The following GGACT variants were observed in gnomAD, a reference collection of about 807,000 sequenced individuals.
GGACT encodes the protein gamma-glutamylamine cyclotransferase, also known as gamma-glutamylaminecyclotransferase.
For missense variants in GGACT, 241 were observed against 233.2 expected, an observed-to-expected ratio of 1.03 and a Z score of -0.22; for synonymous variants, 118 against 115.3, an observed-to-expected ratio of 1.02 and a Z score of -0.15.
At chr13:100,553,816 C>T (rs777873469) in intron 2 of GGACT, among the ~76,000 whole-genome samples, 8 of 118,924 alleles carry the variant, frequency 6.7e-5, no homozygotes, top group Non-Finnish European at 1.1e-4. Flanking sequence ...TGCACTCCAG[C>T]GGGGGTGACG....
chr13:100,564,435 T>C (rs1483449195), intron 2 of GGACT, among the ~76,000 whole-genome samples: 1 of 152,160 alleles, frequency 6.6e-6, no homozygotes, highest in Non-Finnish European at 1.5e-5. Context: ...TTTCCAAGTA[T>C]TAAAGATTGA....
intron 2 of GGACT, chr13:100,540,169 G>T (rs1448104028): frequency 8.3e-6 from 13 of 1,570,700 alleles, no homozygotes; most frequent in Middle Eastern, 1.7e-4. Context: ...CACGCATCGG[G>T]CACAGTTAGT....
chr13:100,567,493 C>T (rs1216071215), intron 2 of GGACT, among the ~76,000 whole-genome samples: 1 of 152,184 alleles, frequency 6.6e-6, no homozygotes, highest in East Asian at 1.9e-4. Context: ...TTTCCCTGTC[C>T]CAGCCCTGGC....
chr13:100,551,274 ACT>A (rs931364482), intron 2 of GGACT, among the ~76,000 whole-genome samples: 12 of 151,492 alleles, frequency 7.9e-5, no homozygotes, highest in African/African-American at 1.9e-4. Context: ...ACAGAGCGAG[ACT>A]CTGTCTCAAA....
chr13:100,578,991 T>C (rs1188291244), intron 2 of GGACT: 1 of 152,188 alleles, frequency 6.6e-6, no homozygotes, highest in East Asian at 1.9e-4. Context: ...GAACACAGCA[T>C]AATATGGGGA....
chr13:100,547,459 T>C lies in GGACT; in HGVS notation c.-10-14858A>G, dbSNP rs144692327. On this transcript the variant is annotated intron_variant, in intron 2 of 2. Coordinates refer to ENST00000683975, the MANE Select transcript of GGACT (RefSeq NM_001195087.2). ...TGTGGATTTTGTTGTATGTAAATTA[T>C]ACCTCAAAAAAGGTAATCTAAAAAC... Among the ~76,000 whole-genome samples the C allele has an allele frequency of 3.5e-3, 532 of 152,324 alleles. 7 individuals carry two copies. In the East Asian group the frequency reaches 0.042, roughly 12 times the overall value.
At chr13:100,548,491 T>C (rs145267475) in intron 2 of GGACT, among the ~76,000 whole-genome samples, 152 of 152,318 alleles carry the variant, frequency 1.0e-3, no homozygotes, top group Non-Finnish European at 1.7e-3. Context: ...TATGTAAGAA[T>C]AGGAAGTTAA....
At chr13:100,567,237 G>T (rs1194269368) in intron 2 of GGACT, among the ~76,000 whole-genome samples, 1 of 152,164 alleles carries the variant, frequency 6.6e-6, no homozygotes, top group Non-Finnish European at 1.5e-5. Flanking sequence ...TTTATGAAGA[G>T]GGATTTTGAA....
At chr13:100,550,515 G>T (rs543860145) in intron 2 of GGACT, among the ~76,000 whole-genome samples, 3 of 152,114 alleles carry the variant, frequency 2.0e-5, no homozygotes, top group Non-Finnish European at 4.4e-5. Context: ...AGGCCAGGCT[G>T]CAGCCAAACA....
intron 2 of GGACT, chr13:100,535,906 C>T (rs2088484897): frequency 6.6e-6 from 1 of 152,074 alleles, no homozygotes; most frequent in Non-Finnish European, 1.5e-5. Context: ...CTGGAAGGTC[C>T]TCCCTGCCAG....
At chr13:100,573,109 A>T (rs1594197089) in intron 2 of GGACT, among the ~76,000 whole-genome samples, 1 of 152,334 alleles carries the variant, frequency 6.6e-6, no homozygotes, top group East Asian at 1.9e-4. Flanking sequence ...AATCACAAGA[A>T]GAGTGGGAGA....
chr13:100,543,734 A>T (rs2088576786), intron 2 of GGACT, among the ~76,000 whole-genome samples: 1 of 152,254 alleles, frequency 6.6e-6, no homozygotes, highest in Non-Finnish European at 1.5e-5. Flanking sequence ...CTTGGGTAGC[A>T]TGAAGCTCAG....
At chr13:100,582,826 A>C (rs1352136932) in intron 2 of GGACT, among the ~76,000 whole-genome samples, 2 of 152,214 alleles carry the variant, frequency 1.3e-5, no homozygotes, top group Non-Finnish European at 2.9e-5. Flanking sequence ...CTGACACAGA[A>C]GTTGGTGCCC....
intron 2 of GGACT, among the ~76,000 whole-genome samples, chr13:100,578,362 T>C (rs760075886): frequency 6.6e-6 from 1 of 152,268 alleles, no homozygotes; most frequent in Non-Finnish European, 1.5e-5. Flanking sequence ...GTCCAGAATG[T>C]GTCGCATTTG....
intron 2 of GGACT, among the ~76,000 whole-genome samples, chr13:100,556,214 A>G (rs987641009): frequency 1.3e-5 from 2 of 152,254 alleles, no homozygotes; most frequent in African/African-American, 2.4e-5. Context: ...CATAACTGTC[A>G]GTACAGAAAA....
At chr13:100,547,186 C>T (rs1051346481) in intron 2 of GGACT, among the ~76,000 whole-genome samples, 2 of 152,174 alleles carry the variant, frequency 1.3e-5, no homozygotes, top group African/African-American at 4.8e-5. Flanking sequence ...AGACCAGGCC[C>T]GGGAGCAGGG....
In GGACT at chr13:100,539,919, G is replaced by T. The variant is rs984745764; in HGVS notation, c.-10-7318C>A. ...CAGCTCCTTACATGGGCTTTGGTGG[G>T]GGACGTGGGGCAGCACCCGCAGGTC... On this transcript the variant is annotated intron_variant, in intron 2 of 2. Transcript: ENST00000683975. 4.9e-6 allele frequency: 7 copies of T among 1,433,802 alleles called. No homozygotes were observed. In the Admixed American group the frequency reaches 8.4e-5, roughly 17 times the overall value. 88.8% of individuals were successfully genotyped at this position (1,433,802 alleles called of 1,614,324 possible).
intron 2 of GGACT, among the ~76,000 whole-genome samples, chr13:100,559,759 T>G (rs1312593791): frequency 6.6e-6 from 1 of 152,136 alleles, no homozygotes; most frequent in African/African-American, 2.4e-5. Flanking sequence ...CCTCCCAAAC[T>G]GCTGGGATTA....
chr13:100,544,832 A>T (rs2088590058), intron 2 of GGACT, among the ~76,000 whole-genome samples: 1 of 152,210 alleles, frequency 6.6e-6, no homozygotes, highest in Admixed American at 6.5e-5. Flanking sequence ...CTGCATCCCC[A>T]TGTCTGCTTC....
Sources: allele counts gnomAD v4.1 joint callset (sites outside exome capture counted in the v4.1 genomes callset), GRCh38; gene constraint gnomAD v4.1.1; transcripts MANE v1.5; gene names NCBI Gene and HGNC (gene_info 2026-07-23, HGNC 2026-07-21).